PBRM1: variants seen among roughly 807,000 people sequenced by gnomAD.
PBRM1 encodes protein polybromo-1.
A neutral mutation model predicts 194.5 loss-of-function variants in PBRM1; 27 were observed. That is an observed-to-expected ratio of 0.14 (90% CI 0.10 to 0.19). PBRM1 has a LOEUF of 0.19. Among genes scored for constraint, PBRM1 ranks in the 10% least tolerant of loss-of-function variants. The pLI, the probability that PBRM1 is intolerant of heterozygous loss-of-function variation, is 1.00. For missense variants in PBRM1, 1,466 were observed against 2,077.2 expected, an observed-to-expected ratio of 0.71 and a Z score of 5.72; for synonymous variants, 655 against 693.2, an observed-to-expected ratio of 0.94 and a Z score of 0.87.
Position 52,609,926 on chromosome 3 carries a change from A to C in PBRM1, c.1954T>G (p.Ser652Ala), listed in dbSNP as rs199992446. 4.3e-5 allele frequency: 65 copies of C among 1,522,390 alleles called. No homozygotes were observed. The highest frequency in any genetic ancestry group is 5.5e-5 in the Non-Finnish European group (62 of 1,135,554). The allele number at this position is 1,522,390 out of a possible 1,614,324, so 94.3% of individuals were successfully genotyped here. The change falls in exon 16 of 30, where the codon TCA becomes GCA. Residue 652 changes from serine to alanine, a missense_variant. By Grantham distance (99) the Ser-to-Ala change is moderately conservative. Coordinates refer to ENST00000296302, the Ensembl canonical transcript of PBRM1. This position sits in a 1 kb window ranked among gnomAD's most constrained non-coding sequence, Gnocchi z 4.1. ...TGCTGCATTGGAGTCATGTATTTTG[A>C]TTTTTTAGGAGAAATGCCACTCTTC...
intron 26 of PBRM1, 134 bp downstream of exon 28, chr3:52,558,115 A>AC (rs1226798444): frequency 1.6e-6 from 1 of 643,662 alleles, no homozygotes; most frequent in Non-Finnish European, 2.6e-6. Context: ...GCAATATAGG[A>AC]CAACATGGAT....
At chr3:52,617,350 T>C (rs115997236) in exon 14 of PBRM1, 67 of 1,613,826 alleles carry the variant, frequency 4.2e-5, no homozygotes, top group Non-Finnish European at 2.5e-5. Context: ...ATATTTGTCA[T>C]TGCGGATGTT....
intron 5 of PBRM1, among the ~76,000 whole-genome samples, chr3:52,655,282 T>C (rs2096588602): frequency 6.6e-6 from 1 of 152,176 alleles, no homozygotes; most frequent in Non-Finnish European, 1.5e-5. Context: ...TTTATGTCTC[T>C]AAGATTTTGA....
intron 22 of PBRM1, among the ~76,000 whole-genome samples, chr3:52,574,190 G>A (rs2088538437): frequency 1.3e-5 from 2 of 152,232 alleles, no homozygotes; most frequent in South Asian, 4.1e-4. Flanking sequence ...CCAGCATCTG[G>A]CAAGGGCTTT....
chr3:52,678,503 C>A (rs755035966), exon 2 of PBRM1: 4 of 1,604,016 alleles, frequency 2.5e-6, no homozygotes, highest in Non-Finnish European at 3.4e-6. Flanking sequence ...AACTCACCTT[C>A]GCTTTGGTGC....
chr3:52,587,280 C>T (rs1576214804), intron 19 of PBRM1, 73 bp downstream of exon 21: 1 of 1,089,930 alleles, frequency 9.2e-7, no homozygotes, highest in Non-Finnish European at 1.4e-6. Context: ...TTGTAAACAT[C>T]GATTATTTTC....
intron 17 of PBRM1, among the ~76,000 whole-genome samples, chr3:52,599,890 A>G (rs2093866294): frequency 6.6e-6 from 1 of 152,042 alleles, no homozygotes; most frequent in Non-Finnish European, 1.5e-5. Context: ...TATTTTTTAT[A>G]AAAACATTAA....
chr3:52,610,498 T>C (rs1254721729), intron 15 of PBRM1, among the ~76,000 whole-genome samples: 1 of 152,096 alleles, frequency 6.6e-6, no homozygotes, highest in Non-Finnish European at 1.5e-5. Flanking sequence ...TTCCAAATAG[T>C]AATGTTGAGG....
At chr3:52,558,291 T>G in exon 26 of PBRM1, 1 of 1,549,330 alleles carries the variant, frequency 6.5e-7, no homozygotes, top group Non-Finnish European at 8.7e-7. Flanking sequence ...CCCATTGGTG[T>G]TGGTGGTGGC....
At chr3:52,617,432 G>C in exon 14 of PBRM1, 1 of 1,613,712 alleles carries the variant, frequency 6.2e-7, no homozygotes, top group Non-Finnish European at 8.5e-7. Flanking sequence ...TTTTTGGATG[G>C]TTTAACCATA....
At chr3:52,630,618 C>A (rs929193561) in intron 11 of PBRM1, among the ~76,000 whole-genome samples, 2 of 152,170 alleles carry the variant, frequency 1.3e-5, no homozygotes, top group Non-Finnish European at 2.9e-5. Flanking sequence ...CACAGTAAGG[C>A]TCCTGTCAGG....
intron 3 of PBRM1, among the ~76,000 whole-genome samples, chr3:52,664,464 G>A (rs551485894): frequency 1.3e-4 from 20 of 151,290 alleles, no homozygotes; most frequent in Middle Eastern, 6.9e-3. Context: ...CGCTGGGCGC[G>A]GTGGCTCACG....
At chr3:52,589,152 T>A (rs749882822) in exon 18 of PBRM1, 2 of 1,612,970 alleles carry the variant, frequency 1.2e-6, no homozygotes, top group East Asian at 2.2e-5. Context: ...AGACGTAATC[T>A]CCAACATGGT....
intron 6 of PBRM1, 27 bp from the exon 8 acceptor site, chr3:52,648,469 T>TTCCTTTTAATGAGAGTTCATCAG: frequency 8.2e-7 from 1 of 1,212,460 alleles, no homozygotes; most frequent in Non-Finnish European, 1.2e-6. Context: ...AATATAGCAG[T>TTCCTTTTAATGAGAGTTCATCAG]TCCTTTTAAT....
intron 8 of PBRM1, among the ~76,000 whole-genome samples, chr3:52,644,441 G>C (rs1233534969): frequency 6.6e-6 from 1 of 151,996 alleles, no homozygotes; most frequent in Non-Finnish European, 1.5e-5. Flanking sequence ...CTGGAGTGCA[G>C]TGGTGCGGTC....
At chr3:52,648,893 C>A (rs2096404111) in intron 6 of PBRM1, among the ~76,000 whole-genome samples, 1 of 152,098 alleles carries the variant, frequency 6.6e-6, no homozygotes, top group Admixed American at 6.6e-5. Flanking sequence ...TTTCTGAGTA[C>A]CTACTGTGTG....
intron 2 of PBRM1, 122 bp from the exon 4 acceptor site, chr3:52,668,767 GAC>G: frequency 2.8e-6 from 1 of 360,000 alleles, no homozygotes; most frequent in Non-Finnish European, 4.6e-6. Context: ...ATCTTTCATG[GAC>G]TTTGAAGCTT....
chr3:52,649,172 G>C (rs2096415621), intron 6 of PBRM1, among the ~76,000 whole-genome samples: 1 of 152,154 alleles, frequency 6.6e-6, no homozygotes, highest in Non-Finnish European at 1.5e-5. Flanking sequence ...GCCAGGCAAA[G>C]GAGTGTAGCT....
intron 5 of PBRM1, among the ~76,000 whole-genome samples, chr3:52,657,594 C>G (rs1366828391): frequency 6.6e-6 from 1 of 151,906 alleles, no homozygotes; most frequent in African/African-American, 2.4e-5. Context: ...CTCAGCCTCC[C>G]GAGTAGGTGG....
Sources: gnomAD v4.1 joint callset for allele counts (sites outside exome capture counted in the v4.1 genomes callset) on GRCh38, gnomAD v4.1.1 for gene constraint, Gnocchi (gnomAD v3.1) non-coding constraint, MANE v1.5 for transcripts, NCBI Gene and HGNC (gene_info 2026-07-23, HGNC 2026-07-21) for gene names.